The following GPR141 variants were observed in gnomAD, a reference collection of about 807,000 sequenced individuals.
The protein encoded by GPR141 is probable G protein-coupled receptor 141.
In GPR141, 6 loss-of-function variants were observed where a neutral mutation model predicts 6.8. The observed-to-expected ratio is 0.88, with a 90% CI of 0.48 to 1.74. GPR141 has a LOEUF of 1.74. Among genes scored for constraint, GPR141 ranks in the 40% most tolerant of loss-of-function variants. The pLI is 0.01. For synonymous variants in GPR141, 140 were observed against 142.3 expected (o/e 0.98, Z 0.11); for missense variants, 372 against 372.9 (o/e 1.00, Z 0.02).
At chr7:37,731,717 G>T (rs1208958460) in intron 2 of GPR141, among the ~76,000 whole-genome samples, 1 of 150,008 alleles carries the variant, frequency 6.7e-6, no homozygotes, top group Non-Finnish European at 1.5e-5. Context: ...CTCCCGAAGT[G>T]CGGGGATTAC....
intron 2 of GPR141, among the ~76,000 whole-genome samples, chr7:37,709,112 A>G (rs1274068866): frequency 6.6e-6 from 1 of 152,212 alleles, no homozygotes; most frequent in Non-Finnish European, 1.5e-5. Context: ...GTGAAGGTAT[A>G]TTAGAAAAGC....
At chr7:37,711,090 A>T (rs918551373) in intron 2 of GPR141, among the ~76,000 whole-genome samples, 4 of 152,230 alleles carry the variant, frequency 2.6e-5, no homozygotes, top group Admixed American at 2.6e-4. Context: ...TACTGAAATC[A>T]TTCTAGTTGA....
chr7:37,693,514 C>T (rs1809878709), intron 2 of GPR141, among the ~76,000 whole-genome samples: 1 of 152,096 alleles, frequency 6.6e-6, no homozygotes, highest in African/African-American at 2.4e-5. Flanking sequence ...GGCTGTGTTT[C>T]TGTAAACTGA....
intron 2 of GPR141, among the ~76,000 whole-genome samples, chr7:37,736,896 A>G (rs563083191): frequency 6.6e-6 from 1 of 152,334 alleles, no homozygotes; most frequent in East Asian, 1.9e-4. Context: ...ATGGACAAAA[A>G]TAAATGACTA....
At chr7:37,733,831 C>G (rs1242941311) in intron 2 of GPR141, among the ~76,000 whole-genome samples, 1 of 152,102 alleles carries the variant, frequency 6.6e-6, no homozygotes, top group East Asian at 1.9e-4. Flanking sequence ...TTAAAATATT[C>G]CTAGAAGATT....
At chr7:37,731,097 G>A (rs1811907356) in intron 2 of GPR141, among the ~76,000 whole-genome samples, 1 of 152,166 alleles carries the variant, frequency 6.6e-6, no homozygotes, top group Non-Finnish European at 1.5e-5. Flanking sequence ...ATGCCCTGGA[G>A]GATAAATGTG....
chr7:37,729,478 TCAC>T (rs1288075971), intron 2 of GPR141, among the ~76,000 whole-genome samples: 1 of 152,250 alleles, frequency 6.6e-6, no homozygotes, highest in African/African-American at 2.4e-5. Flanking sequence ...GGGCACTTTT[TCAC>T]CATTATTTCA....
chr7:37,724,364 T>C (rs1811515783), intron 2 of GPR141, among the ~76,000 whole-genome samples: 1 of 152,026 alleles, frequency 6.6e-6, no homozygotes, highest in Non-Finnish European at 1.5e-5. Context: ...AGAAATAGGA[T>C]GTACAGAGGA....
At chr7:37,735,581 A>G (rs1033525346) in intron 2 of GPR141, among the ~76,000 whole-genome samples, 1 of 152,210 alleles carries the variant, frequency 6.6e-6, no homozygotes, top group Admixed American at 6.5e-5. Context: ...TAATGTTAGT[A>G]TAGTGGCAGA....
Position 37,702,814 on chromosome 7 carries a change from A to AAAT in GPR141, c.-15+17233_-15+17234insTAA, listed in dbSNP as rs74719235. On this transcript the variant is annotated intron_variant, in intron 2 of 2. Coordinates refer to ENST00000334425, the MANE Select transcript of GPR141 (RefSeq NM_001381946.1). Reference sequence around the variant, plus strand: ...TAAAACCCAGTTCAATTCAAAAAAAAAAATAAATAAAATAAAAATTAAAAA... The same window carrying AAAT: ...TAAAACCCAGTTCAATTCAAAAAAAAAATAAATAAATAAAATAAAAATTAAAAA... Among the ~76,000 whole-genome samples the AAAT allele has an allele frequency of 9.2e-3, 1,341 of 145,158 alleles. 27 individuals carry two copies. Among genetic ancestry groups the AAAT allele is most frequent in the Middle Eastern group, 0.031 (8 of 262 alleles).
chr7:37,741,051 G>A lies in GPR141; in HGVS notation c.658G>A (p.Glu220Lys), dbSNP rs1361986821. Residue 220 changes from glutamate (E) to lysine (K), a missense_variant, in exon 3 of 3, where the codon GAG becomes AAG. Transcript: ENST00000334425. The part of the protein sequence containing the change: ...KLRHSLLSHQ[E>K]FWAQLKNLFF... ...ACGCCACTCTTTACTATCCCACCAG[G>A]AGTTCTGGGCTCAGCTGAAAAACCT... The A allele has an allele frequency of 3.1e-6, 5 of 1,613,978 alleles. No homozygotes were observed. In the East Asian group the frequency reaches 1.1e-4, roughly 36 times the overall value.
rs758901404 is a variant in GPR141 at position 37,740,563 on chromosome 7, A to AC, written c.171dup (p.Val59GlyfsTer101). ...TCAGTGACCACCATGGCGGTCATTA[A>AC]CTTGGTGGTGGTCCACAGCGTTTTT... is the stretch of plus-strand genomic sequence containing the variant. On this transcript the variant is annotated frameshift_variant, in exon 3 of 3. Transcript: ENST00000334425. LOFTEE classifies it low-confidence loss of function (END_TRUNC). The AC allele has an allele frequency of 6.2e-7, 1 of 1,614,106 alleles. No homozygotes were observed. Among genetic ancestry groups the AC allele is most frequent in the Non-Finnish European group, 8.5e-7 (1 of 1,179,984 alleles).
chr7:37,719,248 G>A (rs891876571), intron 2 of GPR141, among the ~76,000 whole-genome samples: 3 of 152,170 alleles, frequency 2.0e-5, no homozygotes, highest in Admixed American at 6.5e-5. Context: ...GTGGAAGTCT[G>A]TGTGAGCTAT....
chr7:37,736,961 A>G (rs916336334), intron 2 of GPR141, among the ~76,000 whole-genome samples: 2 of 151,942 alleles, frequency 1.3e-5, no homozygotes, highest in African/African-American at 4.9e-5. Context: ...TTAATTAGAT[A>G]TGTAGAAATA....
At chr7:37,723,483 G>GT (rs1222430897) in intron 2 of GPR141, among the ~76,000 whole-genome samples, 1 of 152,136 alleles carries the variant, frequency 6.6e-6, no homozygotes, top group African/African-American at 2.4e-5. Context: ...AGTGGACATG[G>GT]TGAGGGAGGG....
intron 2 of GPR141, among the ~76,000 whole-genome samples, chr7:37,736,067 G>A (rs1380568355): frequency 6.6e-6 from 1 of 151,944 alleles, no homozygotes; most frequent in East Asian, 1.9e-4. Context: ...GAGACCAGAC[G>A]GACCAACATG....
At chr7:37,721,674 TGAACTTGTTGGCA>T (rs1426288884) in intron 2 of GPR141, among the ~76,000 whole-genome samples, 2 of 152,234 alleles carry the variant, frequency 1.3e-5, no homozygotes, top group Non-Finnish European at 2.9e-5. Context: ...GCGTGGCAGC[TGAACTTGTTGGCA>T]GATTATATTG....
intron 2 of GPR141, among the ~76,000 whole-genome samples, chr7:37,700,355 G>A (rs1487059955): frequency 6.6e-6 from 1 of 152,186 alleles, no homozygotes; most frequent in Non-Finnish European, 1.5e-5. Flanking sequence ...GCCTCAGCAT[G>A]CTAATTTCCT....
chr7:37,690,292 G>A (rs1159377949), intron 2 of GPR141, among the ~76,000 whole-genome samples: 6 of 152,002 alleles, frequency 3.9e-5, no homozygotes, highest in African/African-American at 1.2e-4. Flanking sequence ...TGTAATTCCC[G>A]GCGTTAGAGG....
Sources: gnomAD v4.1 joint callset for allele counts (sites outside exome capture counted in the v4.1 genomes callset) on GRCh38, gnomAD v4.1.1 for gene constraint, MANE v1.5 for transcripts, NCBI Gene and HGNC (gene_info 2026-07-23, HGNC 2026-07-21) for gene names.